PDE10A: variants seen among roughly 807,000 people sequenced by gnomAD.
PDE10A encodes cAMP and cAMP-inhibited cGMP 3',5'-cyclic phosphodiesterase 10A.
A neutral mutation model predicts 97.7 loss-of-function variants in PDE10A; 39 were observed. The ratio of observed to expected loss-of-function variants is 0.40; its 90% CI spans 0.31 to 0.52. PDE10A has a LOEUF of 0.52. Ranked by LOEUF, PDE10A falls within the 20% of genes least tolerant of loss-of-function variation. PDE10A has a pLI of 0.56. For missense variants in PDE10A, 731 were observed against 1,047.8 expected (o/e 0.70, Z 4.17); for synonymous variants, 371 against 376.8 (o/e 0.98, Z 0.18).
At chr6:165,962,376 C>T (rs1188005364) in intron 1 of PDE10A, among the ~76,000 whole-genome samples, 6 of 152,262 alleles carry the variant, frequency 3.9e-5, no homozygotes, top group Non-Finnish European at 8.8e-5. Flanking sequence ...GCCTGGCTGC[C>T]TGATTGAGCA....
intron 1 of PDE10A, among the ~76,000 whole-genome samples, chr6:165,923,919 G>A (rs1782838397): frequency 6.6e-6 from 1 of 152,132 alleles, no homozygotes. Flanking sequence ...ACCAGCTTTT[G>A]CCTGTAATCC....
At chr6:165,900,007 G>A (rs1283293637) in intron 1 of PDE10A, among the ~76,000 whole-genome samples, 1 of 152,210 alleles carries the variant, frequency 6.6e-6, no homozygotes, top group Non-Finnish European at 1.5e-5. Context: ...CTGCTGCCAG[G>A]AGCCAAGGAG....
At chr6:165,933,273 A>G (rs1262459635) in intron 1 of PDE10A, among the ~76,000 whole-genome samples, 1 of 152,140 alleles carries the variant, frequency 6.6e-6, no homozygotes, top group Non-Finnish European at 1.5e-5. Context: ...CAGTTTCCAG[A>G]GAGGGAAGAG....
intron 10 of PDE10A, among the ~76,000 whole-genome samples, chr6:165,422,655 C>T (rs138407564): frequency 3.3e-4 from 50 of 152,194 alleles, no homozygotes; most frequent in Admixed American, 3.2e-3. Flanking sequence ...AAGAAGGGTA[C>T]AGTACTCAGA....
At chr6:165,756,326 C>A (rs568704424) in intron 1 of PDE10A, among the ~76,000 whole-genome samples, 8 of 152,154 alleles carry the variant, frequency 5.3e-5, no homozygotes, top group South Asian at 2.1e-4. Flanking sequence ...TCACATTGTT[C>A]AAAAATTTTT....
At chr6:165,938,002 G>A (rs1783390946) in intron 1 of PDE10A, among the ~76,000 whole-genome samples, 1 of 152,128 alleles carries the variant, frequency 6.6e-6, no homozygotes, top group Non-Finnish European at 1.5e-5. Context: ...TCACAGGAGG[G>A]TCCTCTGACA....
At chr6:165,639,847 T>C (rs1313352080) in intron 1 of PDE10A, among the ~76,000 whole-genome samples, 2 of 151,822 alleles carry the variant, frequency 1.3e-5, no homozygotes, top group African/African-American at 2.4e-5. Flanking sequence ...GAGGGAGGAC[T>C]GCTTGAGCCC....
At position 165,943,234 on chromosome 6, in the gene PDE10A, AGAAGGAAG is replaced by A. The variant is rs1192602938; in HGVS notation, c.-615+44287_-615+44294del. Among the ~76,000 whole-genome samples the A allele has an allele frequency of 4.1e-3, 139 of 34,034 alleles. 5 individuals are homozygous for A. The highest frequency in any genetic ancestry group is 0.023 in the South Asian group (18 of 778). 22.3% of individuals were successfully genotyped at this position (34,034 alleles called of 152,430 possible). On this transcript the variant is annotated intron_variant, in intron 1 of 19. Transcript: ENST00000366882. ...AAGAAAGAAAGAAAGAAAGAAAGAA[AGAAGGAAG>A]GAAGGAAGGAAGGAAGGAAGGAAGG...
At position 165,961,831 on chromosome 6, in the gene PDE10A, T is replaced by G. The variant is rs1291650396; in HGVS notation, c.-615+25698A>C. Among the ~76,000 whole-genome samples, 3 of 152,328 alleles carry G rather than the reference T, an allele frequency of 2.0e-5. No individual in the cohort carries two copies. In the East Asian group the frequency reaches 5.8e-4, roughly 29 times the overall value. ...ATTTCTCCTTTCCAGAAATCCATAA[T>G]ATTCTTCTTAGCCAAGATCCACCCT... On this transcript the variant is annotated intron_variant, in intron 1 of 19. Coordinates refer to the PDE10A transcript ENST00000366882.
At chr6:165,603,325 C>T (rs1787057014) in intron 1 of PDE10A, among the ~76,000 whole-genome samples, 2 of 152,198 alleles carry the variant, frequency 1.3e-5, no homozygotes, top group Admixed American at 6.5e-5. Context: ...TATTTTAGCA[C>T]TGTCCTTTAG....
rs541968672 is a variant in PDE10A at position 165,711,555 on chromosome 6, C to G, written c.-614-167987G>C. ...GGGGATTTTAGTTCAGTTAGTTCAG[C>G]CTGCGCTTTCTAGATCCTCCAGCCA... On this transcript the variant is annotated intron_variant, in intron 1 of 19. Coordinates refer to the PDE10A transcript ENST00000366882. The surrounding 1 kb of genome is among the most constrained non-coding windows in gnomAD (Gnocchi z 4.5). 2.8e-4 allele frequency among the ~76,000 whole-genome samples: 43 copies of G among 152,236 alleles called. No individual in the cohort carries two copies. In the South Asian group the frequency reaches 7.9e-3, roughly 28 times the overall value.
At chr6:165,644,312 C>G (rs549236956) in intron 1 of PDE10A, among the ~76,000 whole-genome samples, 19 of 152,324 alleles carry the variant, frequency 1.2e-4, no homozygotes, top group African/African-American at 4.6e-4. Flanking sequence ...CTGCCGGCCT[C>G]GGCCTCCCAA....
intron 1 of PDE10A, among the ~76,000 whole-genome samples, chr6:165,847,601 ATGCTAATGAGCTGAATTC>A (rs1780455918): frequency 6.6e-6 from 1 of 152,244 alleles, no homozygotes; most frequent in Non-Finnish European, 1.5e-5. Context: ...GAACACTCAT[ATGCTAATGAGCTGAATTC>A]TGCAAACGCA....
intron 1 of PDE10A, among the ~76,000 whole-genome samples, chr6:165,837,685 T>TGGGG (rs372862316): frequency 1.4e-4 from 12 of 86,536 alleles, no homozygotes; most frequent in African/African-American, 5.2e-4. Flanking sequence ...TTTTTTTTTT[T>TGGGG]GGGGCAGGAG....
At chr6:165,468,514 C>A (rs1242058653) in intron 3 of PDE10A, among the ~76,000 whole-genome samples, 1 of 152,124 alleles carries the variant, frequency 6.6e-6, no homozygotes, top group Non-Finnish European at 1.5e-5. Flanking sequence ...TTGTGACTCA[C>A]TTTATGGTGA....
intron 1 of PDE10A, among the ~76,000 whole-genome samples, chr6:165,965,303 G>T (rs541828552): frequency 6.6e-6 from 1 of 152,078 alleles, no homozygotes; most frequent in Admixed American, 6.5e-5. Flanking sequence ...GCTGGGTAGC[G>T]TTCTGAATGG....
At chr6:165,457,070 C>T (rs770052603) in intron 3 of PDE10A, among the ~76,000 whole-genome samples, 12 of 152,104 alleles carry the variant, frequency 7.9e-5, no homozygotes, top group Admixed American at 2.6e-4. Context: ...AGACAAATTA[C>T]GTGAATGTCA....
intron 13 of PDE10A, 136 bp downstream of exon 13, chr6:165,413,365 A>G: frequency 1.7e-6 from 1 of 588,564 alleles, no homozygotes; most frequent in East Asian, 2.8e-5. Context: ...AAACATGTAC[A>G]ATCAGGAATC....
At chr6:165,647,126 C>T (rs1232363760) in intron 1 of PDE10A, among the ~76,000 whole-genome samples, 1 of 152,188 alleles carries the variant, frequency 6.6e-6, no homozygotes, top group Non-Finnish European at 1.5e-5. Context: ...GATGCATGTA[C>T]AGGACTAAGT....
Sources: allele counts gnomAD v4.1 joint callset (sites outside exome capture counted in the v4.1 genomes callset), GRCh38; gene constraint gnomAD v4.1.1; non-coding constraint Gnocchi (gnomAD v3.1); transcripts MANE v1.5; gene names NCBI Gene and HGNC (gene_info 2026-07-23, HGNC 2026-07-21).